PDZD9: variants seen among roughly 807,000 people sequenced by gnomAD.
PDZD9 encodes the protein PDZ domain containing 9.
PDZD9 carries 13 observed loss-of-function variants against 16.3 expected under a neutral mutation model. That is an observed-to-expected ratio of 0.80 (90% CI 0.52 to 1.27). PDZD9 has a LOEUF of 1.27. PDZD9 is among the 50% of genes most tolerant of loss of function. PDZD9 has a pLI of 0.00. For synonymous variants in PDZD9, 120 were observed against 111.0 expected, an observed-to-expected ratio of 1.08 and a Z score of -0.51; for missense variants, 288 against 310.9, an observed-to-expected ratio of 0.93 and a Z score of 0.55.
the PDZD9 span, chr16:21,962,587 A>G: frequency 6.2e-7 from 1 of 1,606,164 alleles, no homozygotes; most frequent in Non-Finnish European, 8.5e-7. Flanking sequence ...TGGTCTTTGT[A>G]ATGCGTCATT....
the PDZD9 span, among the ~76,000 whole-genome samples, chr16:21,960,539 G>A: frequency 1.7e-4 from 26 of 152,296 alleles, no homozygotes; most frequent in African/African-American, 5.3e-4. Flanking sequence ...AGCACTATTA[G>A]TTTTCTTCAA....
the PDZD9 span, chr16:21,968,494 A>G: frequency 4.9e-6 from 3 of 616,640 alleles, no homozygotes; most frequent in Non-Finnish European, 7.9e-6. Context: ...CACCTCAGTT[A>G]GTACCTTGTA....
chr16:21,985,213 C>A (rs1379579510), intron 3 of PDZD9, among the ~76,000 whole-genome samples: 1 of 152,146 alleles, frequency 6.6e-6, no homozygotes, highest in Non-Finnish European at 1.5e-5. Context: ...TTCCTGGGCT[C>A]AAGTGACCCT....
At chr16:21,995,524 G>A (rs1178876465) in intron 2 of PDZD9, among the ~76,000 whole-genome samples, 1 of 152,072 alleles carries the variant, frequency 6.6e-6, no homozygotes, top group South Asian at 2.1e-4. Flanking sequence ...AGAATTAAAT[G>A]AATTAATATG....
the PDZD9 span, among the ~76,000 whole-genome samples, chr16:21,960,898 A>G: frequency 2.0e-5 from 3 of 151,980 alleles, no homozygotes; most frequent in Non-Finnish European, 4.4e-5. Flanking sequence ...TGGTGCAGAC[A>G]TACCTTATTG....
At chr16:21,958,856 A>G in the PDZD9 span, among the ~76,000 whole-genome samples, 1 of 152,202 alleles carries the variant, frequency 6.6e-6, no homozygotes, top group East Asian at 1.9e-4. Flanking sequence ...GACCACCACA[A>G]TGAAGGGAAT....
At chr16:21,981,244 C>T (rs1338157398), downstream of PDZD9, among the ~76,000 whole-genome samples, 1 of 152,028 alleles carries the variant, frequency 6.6e-6, no homozygotes, top group East Asian at 1.9e-4. Flanking sequence ...TTGTTCCCTA[C>T]AATATTGAGC....
At chr16:21,999,621 G>GA (rs35368623) in intron 1 of PDZD9, 12,484 of 152,310 alleles carry the variant, frequency 0.082, 690 homozygotes, top group Middle Eastern at 0.14. Context: ...ATGCTGTGCG[G>GA]AAAAAAGCCA....
the PDZD9 span, chr16:21,968,358 A>G: frequency 3.9e-6 from 1 of 257,972 alleles, no homozygotes. Flanking sequence ...ACCATACTAT[A>G]CAACCTATTT....
the PDZD9 span, chr16:21,971,516 T>A: frequency 6.2e-7 from 1 of 1,601,504 alleles, no homozygotes; most frequent in Non-Finnish European, 8.5e-7. Flanking sequence ...TTTGCTTCTG[T>A]TGAAACAGGT....
At chr16:21,973,800 C>A in the PDZD9 span, 2 of 1,042,926 alleles carry the variant, frequency 1.9e-6, no homozygotes, top group Non-Finnish European at 2.9e-6. Flanking sequence ...TTTGTTTATA[C>A]CGTGAAGGTC....
intron 2 of PDZD9, among the ~76,000 whole-genome samples, chr16:21,993,558 C>A (rs1899074324): frequency 6.6e-6 from 1 of 152,136 alleles, no homozygotes; most frequent in Non-Finnish European, 1.5e-5. Flanking sequence ...TGCTTGGAAC[C>A]CTTAGCTGCA....
downstream of PDZD9, among the ~76,000 whole-genome samples, chr16:21,981,712 G>A (rs1378076405): frequency 6.6e-6 from 1 of 151,814 alleles, no homozygotes; most frequent in African/African-American, 2.4e-5. Flanking sequence ...GCAGCGAGCC[G>A]AGATCATGCC....
At position 21,984,263 on chromosome 16, in the gene PDZD9, T is replaced by C. The variant is rs1359922675; in HGVS notation, c.*4A>G. ...AGATAAATGCTCATATGACCACAGA[T>C]TTGCTAACCAACCTTTGATACCAGT... On this transcript the variant is annotated 3_prime_UTR_variant, in exon 4 of 4. Transcript: ENST00000424898. The C allele has an allele frequency of 1.2e-6, 2 of 1,603,054 alleles. No individual in the cohort carries two copies. The highest frequency in any genetic ancestry group is 2.2e-5 in the East Asian group (1 of 44,690).
the PDZD9 span, among the ~76,000 whole-genome samples, chr16:21,957,871 TG>T: frequency 1.3e-5 from 2 of 152,222 alleles, no homozygotes; most frequent in African/African-American, 4.8e-5. Context: ...CAACCCTTCA[TG>T]TTCCTTGACC....
At chr16:21,982,963 CAAAA>C (rs1036084484), downstream of PDZD9, 4,001 of 528,462 alleles carry the variant, frequency 7.6e-3, no homozygotes, top group East Asian at 8.6e-3. Flanking sequence ...GACTCCACCT[CAAAA>C]AAAAAAAAAA....
At chr16:21,969,128 A>G in the PDZD9 span, among the ~76,000 whole-genome samples, 2 of 152,232 alleles carry the variant, frequency 1.3e-5, no homozygotes, top group African/African-American at 4.8e-5. Flanking sequence ...CAAAATTAAA[A>G]GATGGACTCT....
At chr16:21,978,700 C>T in the PDZD9 span, among the ~76,000 whole-genome samples, 15 of 152,274 alleles carry the variant, frequency 9.9e-5, no homozygotes, top group Admixed American at 2.6e-4. Context: ...CAAATAGTAA[C>T]GTAAACGGTT....
At chr16:21,994,048 T>C (rs985024650) in intron 2 of PDZD9, among the ~76,000 whole-genome samples, 2 of 151,932 alleles carry the variant, frequency 1.3e-5, no homozygotes, top group African/African-American at 4.8e-5. Context: ...AAAATAAAAA[T>C]TAGCTGGGCA....
Sources: gnomAD v4.1 joint callset for allele counts (sites outside exome capture counted in the v4.1 genomes callset) on GRCh38, gnomAD v4.1.1 for gene constraint, MANE v1.5 for transcripts, NCBI Gene and HGNC (gene_info 2026-07-23, HGNC 2026-07-21) for gene names.